Variants in LANCL1 observed in about 807,000 individuals in gnomAD.
The protein encoded by LANCL1 is glutathione S-transferase LANCL1.
Under a neutral mutation model 50.6 loss-of-function variants are expected in LANCL1, and 50 were observed. The ratio of observed to expected loss-of-function variants is 0.99; its 90% CI spans 0.79 to 1.25. The LOEUF (loss-of-function observed/expected upper bound fraction) is 1.25. LANCL1 is among the 50% of genes most tolerant of loss of function. The probability of loss-of-function intolerance (pLI) is 0.00; values close to 1 mark genes in which losing one functional copy is unlikely to be tolerated. For missense variants in LANCL1, 532 were observed against 480.7 expected, an observed-to-expected ratio of 1.11 and a Z score of -1.00; for synonymous variants, 188 against 178.6, an observed-to-expected ratio of 1.05 and a Z score of -0.42.
intron 4 of LANCL1, among the ~76,000 whole-genome samples, chr2:210,454,219 TACACACACACACACAC>T (rs3836055): frequency 0.36 from 52,419 of 147,634 alleles, 9,789 homozygotes; most frequent in Non-Finnish European, 0.44. Flanking sequence ...TATGCATACA[TACACACACACACACAC>T]ACACACACAC....
intron 4 of LANCL1, among the ~76,000 whole-genome samples, chr2:210,449,868 T>C (rs926180727): frequency 1.3e-5 from 2 of 152,110 alleles, no homozygotes; most frequent in African/African-American, 4.8e-5. Flanking sequence ...GGAAAAACAT[T>C]CCATGCTCAT....
intron 3 of LANCL1, among the ~76,000 whole-genome samples, chr2:210,463,436 T>C (rs968071673): frequency 6.6e-6 from 1 of 152,176 alleles, no homozygotes; most frequent in Non-Finnish European, 1.5e-5. Flanking sequence ...AAATGGTGCC[T>C]GGCATACAAC....
At chr2:210,462,601 C>G (rs920738620) in intron 3 of LANCL1, among the ~76,000 whole-genome samples, 3 of 152,150 alleles carry the variant, frequency 2.0e-5, no homozygotes, top group South Asian at 2.1e-4. Context: ...AAGCTTCTGT[C>G]TCGGCCCAAT....
At chr2:210,443,898 G>C (rs555959859) in intron 4 of LANCL1, among the ~76,000 whole-genome samples, 15 of 152,272 alleles carry the variant, frequency 9.9e-5, no homozygotes, top group Admixed American at 2.0e-4. Flanking sequence ...TGGAATGAGT[G>C]GTAAAGATGG....
chr2:210,443,929 T>C (rs1559709569), intron 4 of LANCL1, among the ~76,000 whole-genome samples: 1 of 152,230 alleles, frequency 6.6e-6, no homozygotes, highest in Non-Finnish European at 1.5e-5. Flanking sequence ...TGGAAGATGG[T>C]ACGGGCTTTC....
chr2:210,474,703 G>T (rs190215976), intron 2 of LANCL1, among the ~76,000 whole-genome samples: 1 of 149,956 alleles, frequency 6.7e-6, no homozygotes, highest in East Asian at 2.0e-4. Flanking sequence ...TCCAGCCTGG[G>T]CTCAGGGTGA....
At chr2:210,435,347 G>A in intron 9 of LANCL1, 40 bp downstream of exon 9, 1 of 1,464,998 alleles carries the variant, frequency 6.8e-7, no homozygotes, top group Non-Finnish European at 9.6e-7. Flanking sequence ...AGAAGTAGAT[G>A]CTGATATTAT....
At chr2:210,461,890 TACTTA>T (rs1693874288) in intron 3 of LANCL1, among the ~76,000 whole-genome samples, 1 of 152,244 alleles carries the variant, frequency 6.6e-6, no homozygotes. Flanking sequence ...CCCTTGGGTT[TACTTA>T]ACTTTTCTAC....
At chr2:210,468,971 GC>G (rs1446934046) in intron 3 of LANCL1, 1 of 152,166 alleles carries the variant, frequency 6.6e-6, no homozygotes, top group Non-Finnish European at 1.5e-5. Flanking sequence ...TTAGCTATCA[GC>G]CCATACGTAT....
chr2:210,442,038 G>A (rs1478807108), intron 4 of LANCL1, among the ~76,000 whole-genome samples: 3 of 152,010 alleles, frequency 2.0e-5, no homozygotes, highest in African/African-American at 7.3e-5. Flanking sequence ...GCGAGGGGAT[G>A]GGATTATAGG....
intron 8 of LANCL1, among the ~76,000 whole-genome samples, chr2:210,435,874 C>T (rs891675960): frequency 7.0e-6 from 1 of 142,056 alleles, no homozygotes; most frequent in Non-Finnish European, 1.5e-5. Context: ...ACTCTTTCTA[C>T]AACCTCCTGG....
At chr2:210,455,472 T>C (rs994838304) in intron 3 of LANCL1, among the ~76,000 whole-genome samples, 158 bp from the exon 4 acceptor site, 1 of 152,196 alleles carries the variant, frequency 6.6e-6, no homozygotes, top group African/African-American at 2.4e-5. Flanking sequence ...TCAGCTCTAT[T>C]AGTAAGCAAC....
intron 7 of LANCL1, among the ~76,000 whole-genome samples, chr2:210,437,086 T>C (rs1487545341): frequency 1.3e-5 from 2 of 152,166 alleles, no homozygotes; most frequent in African/African-American, 4.8e-5. Flanking sequence ...GTCATAGATA[T>C]CTTTTTTTTT....
intron 2 of LANCL1, among the ~76,000 whole-genome samples, chr2:210,475,096 ATC>A (rs1185834525): frequency 6.6e-6 from 1 of 152,140 alleles, no homozygotes; most frequent in Non-Finnish European, 1.5e-5. Context: ...CCTCTTCTTC[ATC>A]TCTTTGATTC....
chr2:210,444,045 A>G (rs1381530007), intron 4 of LANCL1, among the ~76,000 whole-genome samples: 1 of 152,194 alleles, frequency 6.6e-6, no homozygotes, highest in Non-Finnish European at 1.5e-5. Context: ...ATGTGTGTCT[A>G]AAGAGTATCT....
intron 4 of LANCL1, among the ~76,000 whole-genome samples, chr2:210,446,894 G>A (rs551206692): frequency 1.4e-4 from 22 of 152,252 alleles, no homozygotes; most frequent in South Asian, 6.2e-4. Flanking sequence ...TGAAAGCGAC[G>A]GGGAGAATGC....
Position 210,431,792 on chromosome 2 carries a change from G to C in LANCL1, c.*2695C>G, listed in dbSNP as rs1170312197. 6.6e-6 allele frequency: 1 copy of C among 152,180 alleles called. No individual in the cohort carries two copies. The highest frequency in any genetic ancestry group is 1.5e-5 in the Non-Finnish European group (1 of 68,032). 9.4% of individuals were successfully genotyped at this position (152,180 alleles called of 1,614,324 possible). A position where few individuals can be genotyped will look rare whatever the true frequency, so the allele number is the denominator to read the frequency against. On this transcript the variant is annotated 3_prime_UTR_variant, in exon 10 of 10. Transcript: ENST00000450366. ...GATGAAAAGAGAGCCACATGACTCA[G>C]GATTAAAGACTGACAACTCAGGCCA...
rs754153832 is a variant in LANCL1, at chr2:210,471,988, C to A, written c.170G>T (p.Arg57Leu). The change falls in exon 3 of 10, where the codon CGG becomes CTG. Residue 57 changes from arginine to leucine, a missense_variant. Coordinates refer to ENST00000450366, the MANE Select transcript of LANCL1 (RefSeq NM_006055.3). ...MERGLKSADP[R>L]DGTGYTGWAG... ...CCAGCCAGTGTAACCGGTGCCATCC[C>A]GAGGGTCTGCTGATTTCAGGCCTCT... The A allele has an allele frequency of 4.3e-6, 7 of 1,613,954 alleles. No homozygotes were observed. In the South Asian group the frequency reaches 6.6e-5, roughly 15 times the overall value.
At chr2:210,454,718 C>T (rs1303822630) in intron 4 of LANCL1, among the ~76,000 whole-genome samples, 2 of 152,172 alleles carry the variant, frequency 1.3e-5, no homozygotes, top group African/African-American at 4.8e-5. Context: ...ATGTCATTGC[C>T]TCTAAGAAAG....
Sources: allele counts gnomAD v4.1 joint callset (sites outside exome capture counted in the v4.1 genomes callset), GRCh38; gene constraint gnomAD v4.1.1; transcripts MANE v1.5; gene names NCBI Gene and HGNC (gene_info 2026-07-23, HGNC 2026-07-21).